The following ODAD3 variants were observed in gnomAD, a reference collection of about 807,000 sequenced individuals.
ODAD3 encodes outer dynein arm docking complex subunit 3.
A neutral mutation model predicts 70.9 loss-of-function variants in ODAD3; 57 were observed. The observed-to-expected ratio is 0.80, with a 90% CI of 0.65 to 1.00. The LOEUF is 1.00. ODAD3 is among the 50% of genes least tolerant of loss of function. The pLI is 0.00. For missense variants in ODAD3, 797 were observed against 763.9 expected (o/e 1.04, Z -0.51); for synonymous variants, 327 against 315.9 (o/e 1.04, Z -0.37).
chr19:11,421,003 T>C lies in ODAD3; in HGVS notation c.1676-56A>G, dbSNP rs1969118660. ...GATGTGGGATCCAGGTCCCCATCCC[T>C]GGCTCCCCTTCCCTTTACCACCCCA... On this transcript the variant is annotated intron_variant, in intron 12 of 12. Transcript: ENST00000356392. 3.1e-6 allele frequency: 5 copies of C among 1,590,274 alleles called. No homozygotes were observed. In the East Asian group the frequency reaches 1.1e-4, roughly 36 times the overall value.
At chr19:11,432,299 A>G (rs1428689925) in intron 1 of ODAD3, among the ~76,000 whole-genome samples, 1 of 152,134 alleles carries the variant, frequency 6.6e-6, no homozygotes, top group Non-Finnish European at 1.5e-5. Flanking sequence ...CCCAGAATGA[A>G]GTGCAGTGGT....
chr19:11,425,656 T>C (rs894577478), intron 7 of ODAD3, among the ~76,000 whole-genome samples: 2 of 113,844 alleles, frequency 1.8e-5, no homozygotes, highest in Non-Finnish European at 3.2e-5. Context: ...TATACGTATA[T>C]ATATATATAT....
rs765069377 is a variant in ODAD3, at chr19:11,421,759, A to G, written c.1508T>C (p.Val503Ala). 6.2e-7 allele frequency: 1 copy of G among 1,613,338 alleles called. No homozygotes were observed. The highest frequency in any genetic ancestry group is 8.5e-7 in the Non-Finnish European group (1 of 1,179,978). Residue 503 changes from valine to alanine, a missense_variant, in exon 11 of 13, where the codon GTG (valine) becomes GCG (alanine). Transcript: ENST00000356392. ...DNYVPNLLGL[V>A]EEKLLKLQAQ... is the part of the protein sequence containing the mutation. ...CTGCAGTTTCAGCAGCTTTTCCTCC[A>G]CGAGGCCCAGCAGGTTTGGCACATA...
Position 11,422,393 on chromosome 19 carries a change from T to G in ODAD3, c.1434+78A>C, listed in dbSNP as rs2144754922. ...CCACGTTCCCTCGGGCAAGCTGGTG[T>G]GGCAGGAACCCCGCTTCGTGGCTGC... On this transcript the variant is annotated intron_variant, in intron 10 of 12. Coordinates refer to ENST00000356392, the MANE Select transcript of ODAD3 (RefSeq NM_145045.5). This position sits in a 1 kb window ranked among gnomAD's most constrained non-coding sequence, Gnocchi z 4.6. The G allele has an allele frequency of 6.9e-7, 1 of 1,445,780 alleles. No homozygotes were observed. Among genetic ancestry groups the G allele is most frequent in the Non-Finnish European group, 9.2e-7 (1 of 1,092,884 alleles). The allele number at this position is 1,445,780 out of a possible 1,614,324, so 89.6% of individuals were successfully genotyped here. A position where few individuals can be genotyped will look rare whatever the true frequency, so the allele number is the denominator to read the frequency against.
intron 7 of ODAD3, among the ~76,000 whole-genome samples, chr19:11,425,307 G>GTGTACATATGTGTATA (rs1165477038): frequency 9.0e-6 from 1 of 111,062 alleles, no homozygotes; most frequent in Non-Finnish European, 1.7e-5. Flanking sequence ...ATATGTGTAT[G>GTGTACATATGTGTATA]TGTACATATG....
chr19:11,423,836 G>A (rs764165247), intron 8 of ODAD3, 41 bp downstream of exon 8: 12 of 787,992 alleles, frequency 1.5e-5, no homozygotes, highest in South Asian at 8.8e-5. Context: ...CGTCTGGGGT[G>A]GGGGGGGGGC....
chr19:11,430,025 G>C (rs1160135379), intron 3 of ODAD3, among the ~76,000 whole-genome samples: 1 of 152,028 alleles, frequency 6.6e-6, no homozygotes, highest in African/African-American at 2.4e-5. Context: ...TTTTGAGACT[G>C]AGTCTCACTC....
Position 11,426,430 on chromosome 19 carries a change from G to A in ODAD3, c.840+16C>T. 1.9e-6 allele frequency: 3 copies of A among 1,613,978 alleles called. No homozygotes were observed. The highest frequency in any genetic ancestry group is 1.7e-6 in the Non-Finnish European group (2 of 1,179,932). On this transcript the variant is annotated intron_variant, in intron 6 of 12. Coordinates refer to ENST00000356392, the MANE Select transcript of ODAD3 (RefSeq NM_145045.5). ...CGGCAGCTGGGCAGGATGGCCGAGG[G>A]CAAGAGGGGTGGCACCTTGGCAATG...
Position 11,426,277 on chromosome 19 carries a change from G to T in ODAD3, c.841-11C>A, listed in dbSNP as rs369886487. 3.7e-6 allele frequency: 6 copies of T among 1,613,718 alleles called. No individual in the cohort carries two copies. The highest frequency in any genetic ancestry group is 5.1e-6 in the Non-Finnish European group (6 of 1,179,880). On this transcript the variant is annotated splice_polypyrimidine_tract_variant and intron_variant, in intron 6 of 12. Coordinates refer to ENST00000356392, the MANE Select transcript of ODAD3 (RefSeq NM_145045.5). The stretch of plus-strand genomic sequence containing the variant: ...GTACTGCAGCTGGTTCTGGAGGGCG[G>T]GCAGGGTAGCAGGGAGACCAGCTGG...
intron 1 of ODAD3, 67 bp from the exon 2 acceptor site, chr19:11,431,087 G>C: frequency 1.9e-6 from 3 of 1,565,994 alleles, no homozygotes; most frequent in Non-Finnish European, 2.6e-6. Context: ...ACATCCCAGA[G>C]GAAAGACCTT....
intron 11 of ODAD3, 33 bp from the exon 12 acceptor site, chr19:11,421,245 G>A: frequency 1.3e-6 from 2 of 1,593,940 alleles, no homozygotes; most frequent in South Asian, 1.1e-5. Flanking sequence ...AGAGGAAGGT[G>A]GGCGGGGCCA....
At chr19:11,425,854 G>A (rs1446937319) in intron 7 of ODAD3, among the ~76,000 whole-genome samples, 1 of 151,616 alleles carries the variant, frequency 6.6e-6, no homozygotes, top group Non-Finnish European at 1.5e-5. Context: ...ATTCAGGACA[G>A]GCAGTCTAGT....
chr19:11,421,957 C>G, intron 10 of ODAD3, 125 bp from the exon 11 acceptor site: 1 of 1,069,550 alleles, frequency 9.3e-7, no homozygotes, highest in Non-Finnish European at 1.3e-6. Flanking sequence ...CAGGGTCGAT[C>G]CTAGCCATTG....
intron 1 of ODAD3, among the ~76,000 whole-genome samples, chr19:11,432,625 A>G (rs1222657026): frequency 1.3e-5 from 2 of 152,148 alleles, no homozygotes; most frequent in African/African-American, 4.8e-5. Flanking sequence ...ACTGTACTTC[A>G]CTGTGAGCAT....
chr19:11,426,498 TCCAGCTCATGTTTGGTCCTCA>T lies in ODAD3; in HGVS notation c.767_787del (p.Val256_Leu262del), dbSNP rs1064792932. 6.2e-7 allele frequency: 1 copy of T among 1,614,022 alleles called. No individual in the cohort carries two copies. The highest frequency in any genetic ancestry group is 1.1e-5 in the South Asian group (1 of 91,080). On this transcript the variant is annotated inframe_deletion, in exon 6 of 13. Coordinates refer to ENST00000356392, the MANE Select transcript of ODAD3 (RefSeq NM_145045.5). ...CTCTTGGTTCACCACGTGCAGTGCC[TCCAGCTCATGTTTGGTCCTCA>T]CCACCTCAGCCTCCATGGAGTCCAG...
rs1244423148 is a variant in ODAD3 at position 11,423,955 on chromosome 19, C to T, written c.1038G>A (p.Leu346=). The change falls in exon 8 of 13, where the codon CTG becomes CTA. Residue 346 remains leucine, a synonymous_variant. Coordinates refer to ENST00000356392, the MANE Select transcript of ODAD3 (RefSeq NM_145045.5). ...QDSLHAKEEE[L]RQRWSMYQME... is the part of the protein sequence containing the mutation. ...TCTGGTACATGCTCCAGCGCTGCCGCAGCTCCTCCTCCTTGGCATGCAGGC... is the reference window on the plus strand; with the variant it reads ...TCTGGTACATGCTCCAGCGCTGCCGTAGCTCCTCCTCCTTGGCATGCAGGC... The T allele has an allele frequency of 1.2e-6, 2 of 1,613,434 alleles. No individual in the cohort carries two copies. Among genetic ancestry groups the T allele is most frequent in the South Asian group, 2.2e-5 (2 of 91,078 alleles).
chr19:11,428,766 C>T (rs1338017271), intron 3 of ODAD3, among the ~76,000 whole-genome samples: 1 of 152,188 alleles, frequency 6.6e-6, no homozygotes, highest in Admixed American at 6.5e-5. Context: ...GCAGGCTGGT[C>T]TCAAACTCTT....
chr19:11,421,817 C>A lies in ODAD3; in HGVS notation c.1450G>T (p.Ala484Ser), dbSNP rs1969142100. Residue 484 changes from alanine (A) to serine (S), a missense_variant, in exon 11 of 13, where the codon GCG (alanine) becomes TCG (serine). Transcript: ENST00000356392. ...IHITVEDGRF[A>S]GKELDPQADN... ...GCCTGGGGATCCAGCTCCTTTCCCG[C>A]GAAGCGGCCGTCCTCCTGCGGCCAG... 1.2e-6 allele frequency: 2 copies of A among 1,612,492 alleles called. No individual in the cohort carries two copies. Among genetic ancestry groups the A allele is most frequent in the African/African-American group, 2.7e-5 (2 of 75,054 alleles).
chr19:11,421,655 C>T, intron 11 of ODAD3, 22 bp downstream of exon 11: 1 of 1,606,036 alleles, frequency 6.2e-7, no homozygotes, highest in Non-Finnish European at 8.5e-7. Context: ...CTCTGGAGCT[C>T]TGCCCCATGG....
Sources: allele counts gnomAD v4.1 joint callset (sites outside exome capture counted in the v4.1 genomes callset), GRCh38; gene constraint gnomAD v4.1.1; non-coding constraint Gnocchi (gnomAD v3.1); transcripts MANE v1.5; gene names NCBI Gene and HGNC (gene_info 2026-07-23, HGNC 2026-07-21).